Variants in CDK6 observed in about 807,000 individuals in gnomAD.
CDK6 encodes cyclin-dependent kinase 6.
CDK6 carries 6 observed loss-of-function variants against 37.1 expected under a neutral mutation model. That is an observed-to-expected ratio of 0.16 (90% CI 0.09 to 0.32). The LOEUF is 0.32. Among genes scored for constraint, CDK6 ranks in the 10% least tolerant of loss-of-function variants. The probability of loss-of-function intolerance (pLI) is 1.00; values close to 1 mark genes in which losing one functional copy is unlikely to be tolerated. For synonymous variants in CDK6, 160 were observed against 161.3 expected, an observed-to-expected ratio of 0.99 and a Z score of 0.06; for missense variants, 224 against 418.9, an observed-to-expected ratio of 0.53 and a Z score of 4.06.
At chr7:92,631,304 C>G (rs1796045651) in intron 5 of CDK6, among the ~76,000 whole-genome samples, 1 of 151,888 alleles carries the variant, frequency 6.6e-6, no homozygotes, top group Non-Finnish European at 1.5e-5. Flanking sequence ...GGTTGGTCAC[C>G]CTATCCAGGA....
At chr7:92,726,438 T>C (rs895419013) in intron 3 of CDK6, among the ~76,000 whole-genome samples, 10 of 152,098 alleles carry the variant, frequency 6.6e-5, no homozygotes, top group African/African-American at 2.4e-4. Flanking sequence ...TTAAACAGGA[T>C]CTTGCTCTGT....
At chr7:92,619,447 G>C (rs1334767917) in intron 6 of CDK6, among the ~76,000 whole-genome samples, 2 of 151,802 alleles carry the variant, frequency 1.3e-5, no homozygotes, top group Non-Finnish European at 2.9e-5. Flanking sequence ...TAGTGGACGG[G>C]GTACATAGCT....
Position 92,833,918 on chromosome 7 carries a change from G to T in CDK6, c.-367-228C>A, listed in dbSNP as rs1801572237. The T allele has an allele frequency of 2.5e-6, 1 of 398,894 alleles. No homozygotes were observed. The highest frequency in any genetic ancestry group is 4.4e-6 in the Non-Finnish European group (1 of 226,398). 24.7% of individuals were successfully genotyped at this position (398,894 alleles called of 1,614,324 possible). On this transcript the variant is annotated intron_variant, in intron 1 of 7. Transcript: ENST00000424848. This position sits in a 1 kb window ranked among gnomAD's most constrained non-coding sequence, Gnocchi z 6.1. Reference sequence around the variant, plus strand: ...GAAGCCGTCTTCGCGCGGAGAGGTTGCAGGGGCCCCTCGGGGATGAGCGAG... The same window carrying T: ...GAAGCCGTCTTCGCGCGGAGAGGTTTCAGGGGCCCCTCGGGGATGAGCGAG...
At chr7:92,819,270 T>C (rs1801110464) in intron 2 of CDK6, among the ~76,000 whole-genome samples, 1 of 152,042 alleles carries the variant, frequency 6.6e-6, no homozygotes, top group East Asian at 1.9e-4. Flanking sequence ...AAAAACACTA[T>C]CAATGAAAGC....
chr7:92,610,233 C>G lies in CDK6; in HGVS notation c.*4907G>C, dbSNP rs1795532972. 1 of 232,166 alleles carries G rather than the reference C, an allele frequency of 4.3e-6. No homozygotes were observed. Among genetic ancestry groups the G allele is most frequent in the South Asian group, 1.8e-4 (1 of 5,520 alleles). 14.4% of individuals were successfully genotyped at this position (232,166 alleles called of 1,614,324 possible). A position where few individuals can be genotyped will look rare whatever the true frequency, so the allele number is the denominator to read the frequency against. ...TGCTGTAACAGTATTTCAGCAGATG[C>G]TCGAAAAGAGCCTGTATTTATTTTC... On this transcript the variant is annotated 3_prime_UTR_variant, in exon 8 of 8. Transcript: ENST00000424848.
At chr7:92,706,158 C>T (rs533375535) in intron 4 of CDK6, among the ~76,000 whole-genome samples, 2 of 152,332 alleles carry the variant, frequency 1.3e-5, no homozygotes, top group African/African-American at 4.8e-5. Flanking sequence ...GGAAATGAAC[C>T]TTTCTGAATA....
chr7:92,665,151 T>A (rs868334030), intron 5 of CDK6, among the ~76,000 whole-genome samples: 2 of 152,166 alleles, frequency 1.3e-5, no homozygotes, highest in African/African-American at 4.8e-5. Context: ...CCCATAACTT[T>A]CAAACTACAG....
intron 2 of CDK6, among the ~76,000 whole-genome samples, chr7:92,827,955 A>T (rs939605215): frequency 1.3e-5 from 2 of 152,080 alleles, no homozygotes; most frequent in African/African-American, 4.8e-5. Context: ...AAGTATTATG[A>T]TGTTTTTATT....
intron 4 of CDK6, among the ~76,000 whole-genome samples, chr7:92,681,719 G>A (rs1243960494): frequency 2.0e-5 from 3 of 152,196 alleles, no homozygotes; most frequent in Non-Finnish European, 1.5e-5. Flanking sequence ...CTGTCCTAGT[G>A]TTCCTCCTGC....
At chr7:92,733,437 AT>A (rs769864943) in intron 3 of CDK6, among the ~76,000 whole-genome samples, 47 of 152,282 alleles carry the variant, frequency 3.1e-4, no homozygotes, top group Non-Finnish European at 6.2e-4. Flanking sequence ...CATTTTTGCC[AT>A]CTACATAATA....
intron 3 of CDK6, among the ~76,000 whole-genome samples, chr7:92,750,711 T>C (rs1799168498): frequency 6.6e-6 from 1 of 152,234 alleles, no homozygotes; most frequent in Non-Finnish European, 1.5e-5. Flanking sequence ...CCTGATGGAA[T>C]GACCTGACAG....
intron 4 of CDK6, among the ~76,000 whole-genome samples, chr7:92,721,975 A>T (rs1305574927): frequency 6.6e-6 from 1 of 152,218 alleles, no homozygotes; most frequent in Admixed American, 6.5e-5. Context: ...ACTGGCATAG[A>T]GCATACTGGC....
At chr7:92,675,923 C>T (rs1251404088) in intron 4 of CDK6, among the ~76,000 whole-genome samples, 1 of 151,898 alleles carries the variant, frequency 6.6e-6, no homozygotes, top group Non-Finnish European at 1.5e-5. Context: ...CTTGGTTATA[C>T]TGATTTTCTT....
At chr7:92,617,839 T>C (rs1268701782) in intron 7 of CDK6, among the ~76,000 whole-genome samples, 2 of 152,188 alleles carry the variant, frequency 1.3e-5, no homozygotes, top group Non-Finnish European at 2.9e-5. Context: ...CATTCAAAGA[T>C]GGCAGATTTA....
chr7:92,682,091 C>T (rs1462686561), intron 4 of CDK6, among the ~76,000 whole-genome samples: 2 of 152,166 alleles, frequency 1.3e-5, no homozygotes, highest in African/African-American at 4.8e-5. Flanking sequence ...GAGAGCATGT[C>T]CTCTCCTGGA....
intron 2 of CDK6, among the ~76,000 whole-genome samples, chr7:92,813,296 T>G (rs1053312439): frequency 8.5e-5 from 13 of 152,134 alleles, no homozygotes; most frequent in African/African-American, 2.9e-4. Flanking sequence ...TGTAGAGAAT[T>G]TGAGAGGGAA....
chr7:92,815,956 T>C (rs1008601010), intron 2 of CDK6, among the ~76,000 whole-genome samples: 4 of 152,082 alleles, frequency 2.6e-5, no homozygotes, highest in Non-Finnish European at 5.9e-5. Context: ...AGTAATGTCT[T>C]AGTAGGGCTA....
chr7:92,684,947 C>T (rs1305161571), intron 4 of CDK6, among the ~76,000 whole-genome samples: 2 of 151,812 alleles, frequency 1.3e-5, no homozygotes, highest in Non-Finnish European at 2.9e-5. Context: ...TAGATTTTAC[C>T]ATCTGATTTC....
chr7:92,782,087 C>T (rs1584084475), intron 2 of CDK6, among the ~76,000 whole-genome samples: 1 of 152,152 alleles, frequency 6.6e-6, no homozygotes, highest in Non-Finnish European at 1.5e-5. Context: ...TAAACATTTA[C>T]CAGCACCTAC....
Sources: gnomAD v4.1 joint callset for allele counts (sites outside exome capture counted in the v4.1 genomes callset) on GRCh38, gnomAD v4.1.1 for gene constraint, Gnocchi (gnomAD v3.1) non-coding constraint, MANE v1.5 for transcripts, NCBI Gene and HGNC (gene_info 2026-07-23, HGNC 2026-07-21) for gene names.